The following SRSF12 variants were observed in gnomAD, a reference collection of about 807,000 sequenced individuals.
SRSF12 encodes serine and arginine rich splicing factor 12.
In SRSF12, 21 loss-of-function variants were observed where a neutral mutation model predicts 34.1. That is an observed-to-expected ratio of 0.62 (90% CI 0.44 to 0.89). SRSF12 has a LOEUF of 0.89. SRSF12 is among the 40% of genes least tolerant of loss of function. SRSF12 has a pLI of 0.00. For synonymous variants in SRSF12, 111 were observed against 110.8 expected (o/e 1.00, Z -0.01); for missense variants, 278 against 327.8 (o/e 0.85, Z 1.17).
At chr6:89,105,625 C>T in intron 2 of SRSF12, 95 bp from the exon 3 acceptor site, 1 of 865,492 alleles carries the variant, frequency 1.2e-6, no homozygotes, top group Non-Finnish European at 1.7e-6. Context: ...ATAGGAAAAT[C>T]AAGTTCAAGT....
intron 1 of SRSF12, among the ~76,000 whole-genome samples, chr6:89,116,790 AC>A (rs1466613090): frequency 5.4e-5 from 8 of 147,910 alleles, no homozygotes; most frequent in African/African-American, 1.7e-4. Context: ...AAAAAAAAAA[AC>A]TAAAAAATAA....
At position 89,096,255 on chromosome 6, in the gene SRSF12, T is replaced by C. The variant is rs1295597819; in HGVS notation, c.*2323A>G. 6.6e-6 allele frequency: 1 copy of C among 152,222 alleles called. No homozygotes were observed. The highest frequency in any genetic ancestry group is 1.5e-5 in the Non-Finnish European group (1 of 68,036). 9.4% of individuals were successfully genotyped at this position (152,222 alleles called of 1,614,324 possible). On this transcript the variant is annotated 3_prime_UTR_variant, in exon 5 of 5. Transcript: ENST00000452027. ...TAGGAACAGCAGTCAGGAAGAGGAC[T>C]CTGAAGCCCAGTCACTCCACAGATC...
rs77589760 is a variant in SRSF12 at position 89,117,997 on chromosome 6, C to A, written c.-110G>T. 4 of 1,207,082 alleles carry A rather than the reference C, an allele frequency of 3.3e-6. No homozygotes were observed. Among genetic ancestry groups the A allele is most frequent in the Admixed American group, 2.8e-5 (1 of 35,192 alleles). 74.8% of individuals were successfully genotyped at this position (1,207,082 alleles called of 1,614,324 possible). A position where few individuals can be genotyped will look rare whatever the true frequency, so the allele number is the denominator to read the frequency against. On this transcript the variant is annotated 5_prime_UTR_variant, in exon 1 of 5. Transcript: ENST00000452027. ...CTCCGCCGGCCCCCGGCGCGACCCC[C>A]ACCCCTCGGCCTCAGCCCCGCCAGC...
At chr6:89,114,186 G>C (rs1350084106) in intron 1 of SRSF12, among the ~76,000 whole-genome samples, 1 of 152,184 alleles carries the variant, frequency 6.6e-6, no homozygotes, top group Non-Finnish European at 1.5e-5. Context: ...CCAGTGCTTT[G>C]GGAGGCCAAG....
At position 89,098,886 on chromosome 6, in the gene SRSF12, G is replaced by A. The variant is rs757624112; in HGVS notation, c.478C>T (p.Arg160Trp). ...SKSRSKSLPR[R>W]STSARQSRTP... ...CTTGACTGCCTTGCTGAGGTAGACC[G>A]CCTTGGTAATGATTTGGAACGAGAT... is the stretch of plus-strand genomic sequence containing the variant. Residue 160 changes from arginine to tryptophan, a missense_variant, in exon 5 of 5, where the codon CGG (arginine) becomes TGG (tryptophan). Physicochemically the swap from Arg to Trp is moderately radical, Grantham distance 101 (BLOSUM62 -3). Transcript: ENST00000452027. 11 of 1,613,714 alleles carry A rather than the reference G, an allele frequency of 6.8e-6. No individual in the cohort carries two copies. Among genetic ancestry groups the A allele is most frequent in the East Asian group, 4.5e-5 (2 of 44,888 alleles).
At position 89,098,384 on chromosome 6, in the gene SRSF12, T is replaced by C. The variant is rs1242680875; in HGVS notation, c.*194A>G. On this transcript the variant is annotated 3_prime_UTR_variant, in exon 5 of 5. Transcript: ENST00000452027. ...TAAAATGGTGACATTAGACAAATCATAATTTGTAGTGTGGGCCCTTTAAAT... is the reference window on the plus strand; with the variant it reads ...TAAAATGGTGACATTAGACAAATCACAATTTGTAGTGTGGGCCCTTTAAAT... 3 of 577,346 alleles carry C rather than the reference T, an allele frequency of 5.2e-6. No homozygotes were observed. In the Admixed American group the frequency reaches 1.2e-4, roughly 22 times the overall value. 35.8% of individuals were successfully genotyped at this position (577,346 alleles called of 1,614,324 possible). A position where few individuals can be genotyped will look rare whatever the true frequency, so the allele number is the denominator to read the frequency against.
intron 4 of SRSF12, among the ~76,000 whole-genome samples, chr6:89,099,426 G>GTGTATATATA (rs1562191889): frequency 7.1e-6 from 1 of 140,226 alleles, no homozygotes; most frequent in African/African-American, 2.9e-5. Flanking sequence ...ATATATATAT[G>GTGTATATATA]TGTGTATATA....
At position 89,105,152 on chromosome 6, in the gene SRSF12, C is replaced by T. The variant is rs760338690; in HGVS notation, c.383G>A (p.Gly128Glu). 1.2e-6 allele frequency: 2 copies of T among 1,612,666 alleles called. No individual in the cohort carries two copies. Among genetic ancestry groups the T allele is most frequent in the East Asian group, 4.5e-5 (2 of 44,858 alleles). Residue 128 changes from glycine (G) to glutamate (E), a missense_variant, in exon 4 of 5, where the codon GGA becomes GAA. Transcript: ENST00000452027. ...RRTRSRSSSWGRNRRRSDSLK... is the reference protein window; with the variant it reads ...RRTRSRSSSWERNRRRSDSLK... Reference sequence around the variant, plus strand: ...GCTGTCTGACCGCCTCCTATTTCTTCCCCATGAAGAACTTCTACTTCGAGT... The same window carrying T: ...GCTGTCTGACCGCCTCCTATTTCTTTCCCATGAAGAACTTCTACTTCGAGT...
intron 4 of SRSF12, among the ~76,000 whole-genome samples, chr6:89,102,608 G>T (rs777427398): frequency 6.6e-6 from 1 of 151,962 alleles, no homozygotes; most frequent in African/African-American, 2.4e-5. Context: ...AAAGAAGGAC[G>T]CTATAATATA....
At chr6:89,105,761 A>G (rs1768753480) in intron 2 of SRSF12, 1 of 271,064 alleles carries the variant, frequency 3.7e-6, no homozygotes, top group Admixed American at 5.1e-5. Flanking sequence ...CAAAACAAAC[A>G]TGTAACTGTA....
chr6:89,104,016 T>TTTTTG (rs1156633258), intron 4 of SRSF12, among the ~76,000 whole-genome samples: 20 of 69,854 alleles, frequency 2.9e-4, no homozygotes, highest in African/African-American at 8.0e-4. Flanking sequence ...TTTTTTTTTT[T>TTTTTG]TGGAGAGACG....
chr6:89,099,057 A>T, intron 4 of SRSF12, 110 bp from the exon 5 acceptor site: 1 of 1,291,322 alleles, frequency 7.7e-7, no homozygotes, highest in Non-Finnish European at 1.0e-6. Flanking sequence ...TATTTTTACT[A>T]GATAAGCTAA....
rs1435024989 is a variant in SRSF12, at chr6:89,096,655, G to C, written c.*1923C>G. 1.3e-5 allele frequency: 2 copies of C among 150,460 alleles called. No homozygotes were observed. The highest frequency in any genetic ancestry group is 2.9e-5 in the Non-Finnish European group (2 of 68,020). 9.3% of individuals were successfully genotyped at this position (150,460 alleles called of 1,614,324 possible). On this transcript the variant is annotated 3_prime_UTR_variant, in exon 5 of 5. Transcript: ENST00000452027. ...ATCCCTAGTTATTATTTTTCACAAT[G>C]GTACCTAGTTATTATTATTTTTATA...
intron 1 of SRSF12, among the ~76,000 whole-genome samples, chr6:89,110,344 T>C (rs1170997931): frequency 2.6e-5 from 4 of 152,114 alleles, no homozygotes; most frequent in African/African-American, 2.4e-5. Flanking sequence ...CTCAAGTGCA[T>C]TGGTTACAGA....
intron 2 of SRSF12, among the ~76,000 whole-genome samples, chr6:89,106,261 C>T (rs764736911): frequency 4.2e-5 from 6 of 141,910 alleles, no homozygotes; most frequent in Non-Finnish European, 9.2e-5. Flanking sequence ...TACAGGTGCC[C>T]GGCACCACAC....
intron 1 of SRSF12, among the ~76,000 whole-genome samples, chr6:89,109,021 T>C (rs1422147901): frequency 6.6e-6 from 1 of 152,180 alleles, no homozygotes; most frequent in African/African-American, 2.4e-5. Context: ...TTATTCAGAA[T>C]TAAGCAAATA....
In SRSF12 at chr6:89,117,407, G is replaced by A. The variant is rs181745846; in HGVS notation, c.65+416C>T. On this transcript the variant is annotated intron_variant, in intron 1 of 4. Coordinates refer to ENST00000452027, the MANE Select transcript of SRSF12 (RefSeq NM_080743.5). ...GCCCCAATTCCTCTCCATCTAGGAG[G>A]GTTGGATGCGCGCGATTTTATCGGG... Among the ~76,000 whole-genome samples the A allele has an allele frequency of 3.6e-3, 552 of 152,332 alleles. 3 individuals are homozygous for A. The highest frequency in any genetic ancestry group is 6.0e-3 in the Non-Finnish European group (406 of 68,018).
intron 4 of SRSF12, among the ~76,000 whole-genome samples, chr6:89,099,626 C>G (rs942006741): frequency 6.6e-6 from 1 of 151,056 alleles, no homozygotes. Context: ...ACCTCCGCCT[C>G]CCAGGTTTGA....
Position 89,118,060 on chromosome 6 carries a change from C to A in SRSF12, c.-173G>T. The A allele has an allele frequency of 3.0e-6, 1 of 329,672 alleles. No individual in the cohort carries two copies. Among genetic ancestry groups the A allele is most frequent in the South Asian group, 9.4e-5 (1 of 10,612 alleles). The allele number at this position is 329,672 out of a possible 1,614,324, so 20.4% of individuals were successfully genotyped here. The stretch of plus-strand genomic sequence containing the variant: ...AGGCCGGCGCAGAGGGGGCGCAGCG[C>A]GGCGCCAGCCTGGACGCACGGGCCG... On this transcript the variant is annotated 5_prime_UTR_variant, in exon 1 of 5. Transcript: ENST00000452027.
Sources: allele counts gnomAD v4.1 joint callset (sites outside exome capture counted in the v4.1 genomes callset), GRCh38; gene constraint gnomAD v4.1.1; transcripts MANE v1.5; gene names NCBI Gene and HGNC (gene_info 2026-07-23, HGNC 2026-07-21).